The following SLC2A9 variants were observed in gnomAD, a reference collection of about 807,000 sequenced individuals.
The protein encoded by SLC2A9 is solute carrier family 2 member 9.
In SLC2A9, 39 loss-of-function variants were observed where a neutral mutation model predicts 50.6. The ratio of observed to expected loss-of-function variants is 0.77; its 90% CI spans 0.60 to 1.01. SLC2A9 has a LOEUF of 1.01. Ranked by LOEUF, SLC2A9 falls within the 50% of genes least tolerant of loss-of-function variation. The probability of loss-of-function intolerance (pLI) is 0.00; values close to 1 mark genes in which losing one functional copy is unlikely to be tolerated. For synonymous variants in SLC2A9, 324 were observed against 276.9 expected (o/e 1.17, Z -1.69); for missense variants, 686 against 677.6 (o/e 1.01, Z -0.14).
rs115236140 is a variant in SLC2A9 at position 10,006,915 on chromosome 4, G to T, written c.250-9974C>A. On this transcript the variant is annotated intron_variant, in intron 2 of 11. Transcript: ENST00000264784. ...CCCCGAGAAAAACCCTGGACTCCAA[G>T]TCTCTAATGAGTTTCCTTGTTAGAC... Among the ~76,000 whole-genome samples, 761 of 152,014 alleles carry T rather than the reference G, an allele frequency of 5.0e-3. 7 individuals carry two copies. The highest frequency in any genetic ancestry group is 0.017 in the African/African-American group (721 of 41,442).
intron 10 of SLC2A9, among the ~76,000 whole-genome samples, chr4:9,836,694 T>A (rs561409543): frequency 6.6e-6 from 1 of 152,348 alleles, no homozygotes; most frequent in African/African-American, 2.4e-5. Flanking sequence ...TTTGGGCTGC[T>A]ATGCAGCAGT....
chr4:9,844,681 C>T (rs1293180812), intron 10 of SLC2A9, among the ~76,000 whole-genome samples: 1 of 152,238 alleles, frequency 6.6e-6, no homozygotes, highest in Non-Finnish European at 1.5e-5. Flanking sequence ...CTTGTGGCGA[C>T]AGCGCCCTGG....
chr4:9,891,157 G>A (rs532056083), intron 8 of SLC2A9, among the ~76,000 whole-genome samples: 3 of 152,298 alleles, frequency 2.0e-5, no homozygotes, highest in East Asian at 1.9e-4. Flanking sequence ...AGCCCATGTC[G>A]TTTTCCAGTC....
intron 3 of SLC2A9, among the ~76,000 whole-genome samples, chr4:9,817,017 T>C (rs1231063986): frequency 6.6e-6 from 1 of 152,234 alleles, no homozygotes; most frequent in Non-Finnish European, 1.5e-5. Flanking sequence ...CCTTGGCTCA[T>C]GACCCCTTCC....
intron 11 of SLC2A9, among the ~76,000 whole-genome samples, chr4:9,833,550 G>A (rs1391636616): frequency 6.6e-6 from 1 of 152,174 alleles, no homozygotes; most frequent in East Asian, 1.9e-4. Context: ...AGAAAGCCAT[G>A]CATGGGGGAG....
chr4:9,838,452 G>A (rs1341371634), intron 10 of SLC2A9, among the ~76,000 whole-genome samples: 1 of 152,156 alleles, frequency 6.6e-6, no homozygotes, highest in African/African-American at 2.4e-5. Flanking sequence ...TGAATTCAAT[G>A]TTATTCCCAT....
At chr4:9,837,259 C>T (rs1727255110) in intron 10 of SLC2A9, among the ~76,000 whole-genome samples, 1 of 152,196 alleles carries the variant, frequency 6.6e-6, no homozygotes, top group African/African-American at 2.4e-5. Context: ...ATATTAGACT[C>T]TATATCTTAA....
chr4:9,860,333 C>G (rs1036746266), intron 10 of SLC2A9, among the ~76,000 whole-genome samples: 4 of 152,230 alleles, frequency 2.6e-5, no homozygotes, highest in Admixed American at 1.3e-4. Context: ...CAGAAGGACA[C>G]TACTTGTCAT....
In SLC2A9 at chr4:9,821,094, C is replaced by A. The variant is rs1724336043; in HGVS notation, n.420+5326G>T. 2.6e-5 allele frequency among the ~76,000 whole-genome samples: 4 copies of A among 152,112 alleles called. No individual in the cohort carries two copies. The South Asian group carries it at 8.3e-4, about 32-fold the overall frequency. ...GTAGATACTCTATTTCAGGTTAAGG[C>A]AGCTTTTTTCAATTCCTGGTTTGGT... On this transcript the variant is annotated intron_variant and non_coding_transcript_variant, in intron 3 of 3. Transcript: ENST00000503280.
intron 10 of SLC2A9, chr4:9,879,644 G>A (rs913009659): frequency 1.0e-6 from 1 of 985,396 alleles, no homozygotes; most frequent in Non-Finnish European, 1.2e-6. Context: ...TTCGCACCTT[G>A]ATAATGGCAG....
intron 5 of SLC2A9, among the ~76,000 whole-genome samples, chr4:9,943,325 A>G (rs1252460036): frequency 2.6e-5 from 4 of 152,238 alleles, no homozygotes; most frequent in African/African-American, 9.6e-5. Flanking sequence ...CCTTTTCTGT[A>G]TCTAATAACA....
intron 3 of SLC2A9, among the ~76,000 whole-genome samples, chr4:9,800,247 A>T (rs1012934949): frequency 6.6e-6 from 1 of 152,152 alleles, no homozygotes; most frequent in African/African-American, 2.4e-5. Context: ...TAGGTCATGG[A>T]CGTGGGTTGA....
intron 2 of SLC2A9, among the ~76,000 whole-genome samples, chr4:10,012,395 C>T (rs1761907455): frequency 6.6e-6 from 1 of 152,186 alleles, no homozygotes; most frequent in Non-Finnish European, 1.5e-5. Context: ...TAAATTTATC[C>T]ATTTGCTCAT....
chr4:9,917,325 C>CTTTTTTT (rs55927201), intron 7 of SLC2A9, among the ~76,000 whole-genome samples: 1,574 of 81,948 alleles, frequency 0.019, 8 homozygotes, highest in Non-Finnish European at 0.022. Flanking sequence ...TTCTTTTTTC[C>CTTTTTTT]TTTTTTTTTT....
chr4:9,914,210 C>A (rs1418332846), intron 7 of SLC2A9, among the ~76,000 whole-genome samples: 1 of 152,138 alleles, frequency 6.6e-6, no homozygotes, highest in Non-Finnish European at 1.5e-5. Context: ...TCCTATGGAG[C>A]AGGGCAAGTG....
intron 2 of SLC2A9, among the ~76,000 whole-genome samples, chr4:10,006,984 G>A (rs924419986): frequency 1.3e-5 from 2 of 152,026 alleles, no homozygotes; most frequent in Non-Finnish European, 2.9e-5. Context: ...TGGGGATGAA[G>A]CGCGTCCCGT....
intron 5 of SLC2A9, among the ~76,000 whole-genome samples, chr4:9,959,910 C>T (rs751121129): frequency 2.6e-5 from 4 of 152,130 alleles, no homozygotes; most frequent in Non-Finnish European, 5.9e-5. Flanking sequence ...ATTCAGGGTC[C>T]GACTTGACTG....
intron 10 of SLC2A9, among the ~76,000 whole-genome samples, chr4:9,859,185 T>A (rs1179505599): frequency 6.6e-6 from 1 of 152,226 alleles, no homozygotes; most frequent in African/African-American, 2.4e-5. Context: ...TGTGAGTCAA[T>A]TCTCCTTAAT....
intron 6 of SLC2A9, among the ~76,000 whole-genome samples, chr4:9,928,718 A>G (rs1745355130): frequency 1.3e-5 from 2 of 152,222 alleles, no homozygotes. Flanking sequence ...TGGGTGACAG[A>G]GCAAGACTCC....
Sources: allele counts gnomAD v4.1 joint callset (sites outside exome capture counted in the v4.1 genomes callset), GRCh38; gene constraint gnomAD v4.1.1; transcripts MANE v1.5; gene names NCBI Gene and HGNC (gene_info 2026-07-23, HGNC 2026-07-21).